The following SNTG2 variants were observed in gnomAD, a reference collection of about 807,000 sequenced individuals.
SNTG2 encodes the protein gamma-2-syntrophin.
SNTG2 carries 74 observed loss-of-function variants against 70.9 expected under a neutral mutation model. The observed-to-expected ratio is 1.04, with a 90% confidence interval of 0.86 to 1.27. The LOEUF is 1.27. Among genes scored for constraint, SNTG2 ranks in the 50% most tolerant of loss-of-function variants. The pLI, the probability that SNTG2 is intolerant of heterozygous loss-of-function variation, is 0.00. For synonymous variants in SNTG2, 278 were observed against 273.8 expected, an observed-to-expected ratio of 1.02 and a Z score of -0.15; for missense variants, 717 against 690.7, an observed-to-expected ratio of 1.04 and a Z score of -0.43.
At chr2:1,037,626 T>C (rs559984244) in intron 1 of SNTG2, among the ~76,000 whole-genome samples, 1 of 152,236 alleles carries the variant, frequency 6.6e-6, no homozygotes, top group East Asian at 1.9e-4. Flanking sequence ...CACAGAATCA[T>C]AGGACGTCTG....
chr2:1,175,962 CT>C (rs1671446603), intron 8 of SNTG2, among the ~76,000 whole-genome samples: 1 of 152,202 alleles, frequency 6.6e-6, no homozygotes, highest in Non-Finnish European at 1.5e-5. Context: ...TCTCCTGGTT[CT>C]CCCAGCTCTC....
At chr2:1,290,653 G>A (rs1679954462) in intron 14 of SNTG2, among the ~76,000 whole-genome samples, 1 of 152,134 alleles carries the variant, frequency 6.6e-6, no homozygotes, top group African/African-American at 2.4e-5. Flanking sequence ...GATCTCATGA[G>A]AACTCTATCA....
chr2:1,238,786 G>T (rs967184101), intron 10 of SNTG2, among the ~76,000 whole-genome samples: 1 of 152,126 alleles, frequency 6.6e-6, no homozygotes, highest in Non-Finnish European at 1.5e-5. Context: ...CTGTTCCTTC[G>T]CAGCCTGGAG....
At chr2:1,229,063 C>T (rs6712014) in intron 9 of SNTG2, among the ~76,000 whole-genome samples, 2 of 152,112 alleles carry the variant, frequency 1.3e-5, no homozygotes, top group African/African-American at 2.4e-5. Flanking sequence ...ATAAAAGCAG[C>T]GTGGACCCAA....
intron 4 of SNTG2, among the ~76,000 whole-genome samples, chr2:1,102,167 C>T (rs1665820637): frequency 2.6e-5 from 4 of 152,060 alleles, no homozygotes; most frequent in South Asian, 2.1e-4. Context: ...GTGGAGTGAG[C>T]GAAACCGTGG....
At chr2:1,216,471 G>A (rs1572749906) in intron 9 of SNTG2, among the ~76,000 whole-genome samples, 1 of 152,112 alleles carries the variant, frequency 6.6e-6, no homozygotes, top group South Asian at 2.1e-4. Flanking sequence ...TGTCAGATGA[G>A]TAGATTGCAA....
At chr2:1,205,761 A>G (rs1423091084) in intron 8 of SNTG2, among the ~76,000 whole-genome samples, 1 of 152,080 alleles carries the variant, frequency 6.6e-6, no homozygotes, top group Admixed American at 6.6e-5. Flanking sequence ...CCATTCTTCT[A>G]ATTCTTGTAT....
chr2:1,123,678 T>A lies in SNTG2; in HGVS notation c.326-13944T>A, dbSNP rs1340410143. 2.6e-5 allele frequency among the ~76,000 whole-genome samples: 4 copies of A among 152,186 alleles called. No homozygotes were observed. The South Asian group carries it at 6.2e-4, about 24-fold the overall frequency. Reference sequence around the variant, plus strand: ...ATTTCTTGGCTGTCACACCACAACCTCAGACTACAAAAGCACAAATAGATA... The same window carrying A: ...ATTTCTTGGCTGTCACACCACAACCACAGACTACAAAAGCACAAATAGATA... On this transcript the variant is annotated intron_variant, in intron 4 of 16. Coordinates refer to ENST00000308624, the MANE Select transcript of SNTG2 (RefSeq NM_018968.4).
At chr2:1,354,298 A>C (rs1227427728) in intron 16 of SNTG2, among the ~76,000 whole-genome samples, 427 of 14,862 alleles carry the variant, frequency 0.029, 1 homozygote, top group Middle Eastern at 0.11. Context: ...CCTGAGCCTC[A>C]TCTGTAAAGT....
intron 1 of SNTG2, among the ~76,000 whole-genome samples, chr2:1,024,960 T>C (rs892223026): frequency 6.6e-6 from 1 of 152,188 alleles, no homozygotes; most frequent in Non-Finnish European, 1.5e-5. Context: ...GATATAATGT[T>C]AGTTATTTTG....
rs569367579 is a variant in SNTG2 at position 1,310,652 on chromosome 2, G to T, written c.1377+2066G>T. Among the ~76,000 whole-genome samples the T allele has an allele frequency of 1.0e-3, 158 of 152,132 alleles. 1 individual carries two copies. The highest frequency in any genetic ancestry group is 6.8e-3 in the Middle Eastern group (2 of 294). Reference sequence around the variant, plus strand: ...GGTGAGTTTCCTTTCTTCCTGGGCTGCCCTGTGCCTTTCCTCCTCAAGGGC... The same window carrying T: ...GGTGAGTTTCCTTTCTTCCTGGGCTTCCCTGTGCCTTTCCTCCTCAAGGGC... On this transcript the variant is annotated intron_variant, in intron 15 of 16. Transcript: ENST00000308624.
chr2:1,025,211 C>G (rs1175864511), intron 1 of SNTG2, among the ~76,000 whole-genome samples: 1 of 152,116 alleles, frequency 6.6e-6, no homozygotes, highest in Admixed American at 6.5e-5. Flanking sequence ...AGAAGCATGC[C>G]ATCCCAGCTG....
At chr2:1,027,602 A>T (rs1039199854) in intron 1 of SNTG2, among the ~76,000 whole-genome samples, 1 of 149,894 alleles carries the variant, frequency 6.7e-6, no homozygotes, top group South Asian at 2.1e-4. Flanking sequence ...CGTCTGGCCC[A>T]CAGACACTAC....
chr2:1,168,505 C>T (rs1336766534), intron 7 of SNTG2, among the ~76,000 whole-genome samples: 1 of 152,228 alleles, frequency 6.6e-6, no homozygotes, highest in Admixed American at 6.5e-5. Flanking sequence ...TCCCCCATCA[C>T]AAGCCCTGCA....
At chr2:1,076,598 G>A (rs542374072) in intron 1 of SNTG2, among the ~76,000 whole-genome samples, 1 of 152,180 alleles carries the variant, frequency 6.6e-6, no homozygotes, top group Non-Finnish European at 1.5e-5. Flanking sequence ...GTTTGAATCT[G>A]CTAGAAGGCA....
chr2:1,031,528 A>ATATATATATATATATATATTTTTTTT, intron 1 of SNTG2, among the ~76,000 whole-genome samples: 40 of 59,086 alleles, frequency 6.8e-4, no homozygotes, highest in Non-Finnish European at 1.1e-3. Context: ...ATATATATAT[A>ATATATATATATATATATATTTTTTTT]TTTTTTTTTT....
chr2:959,708 T>C (rs1375451234), intron 1 of SNTG2, among the ~76,000 whole-genome samples: 1 of 149,652 alleles, frequency 6.7e-6, no homozygotes, highest in African/African-American at 2.5e-5. Context: ...GACCCGGGGC[T>C]GGAGGCTGCA....
chr2:1,019,250 G>C (rs896819562), intron 1 of SNTG2, among the ~76,000 whole-genome samples: 1 of 152,218 alleles, frequency 6.6e-6, no homozygotes, highest in African/African-American at 2.4e-5. Flanking sequence ...ATGTCTGTGA[G>C]TCTTGGAGGG....
intron 4 of SNTG2, among the ~76,000 whole-genome samples, chr2:1,105,578 G>A (rs1438087817): frequency 1.3e-5 from 2 of 152,140 alleles, no homozygotes; most frequent in East Asian, 3.9e-4. Context: ...CACCATGGGC[G>A]ATTGGATTTG....
Sources: allele counts gnomAD v4.1 joint callset (sites outside exome capture counted in the v4.1 genomes callset), GRCh38; gene constraint gnomAD v4.1.1; transcripts MANE v1.5; gene names NCBI Gene and HGNC (gene_info 2026-07-23, HGNC 2026-07-21).